The following PDZRN3 variants were observed in gnomAD, a reference collection of about 807,000 sequenced individuals.
The protein encoded by PDZRN3 is PDZ domain containing ring finger 3, also known as E3 ubiquitin-protein ligase PDZRN3.
PDZRN3 carries 38 observed loss-of-function variants against 85.7 expected under a neutral mutation model. That is an observed-to-expected ratio of 0.44 (90% CI 0.34 to 0.58). The LOEUF (loss-of-function observed/expected upper bound fraction) is 0.58, where lower values mean the gene tolerates loss of function less well. Ranked by LOEUF, PDZRN3 falls within the 20% of genes least tolerant of loss-of-function variation. The pLI is 0.01. For missense variants in PDZRN3, 1,629 were observed against 1,506.4 expected (o/e 1.08, Z -1.35); for synonymous variants, 759 against 638.0 (o/e 1.19, Z -2.86).
chr3:73,457,517 T>C (rs969897384), intron 3 of PDZRN3, among the ~76,000 whole-genome samples: 3 of 152,104 alleles, frequency 2.0e-5, no homozygotes, highest in Non-Finnish European at 4.4e-5. Flanking sequence ...TTGACAGCCA[T>C]ACTCCTAGGG....
intron 9 of PDZRN3, among the ~76,000 whole-genome samples, chr3:73,385,298 G>C (rs1468082547): frequency 6.6e-6 from 1 of 152,196 alleles, no homozygotes; most frequent in Non-Finnish European, 1.5e-5. Context: ...CTCTGACAAT[G>C]GTAGTAGCAT....
chr3:73,421,658 A>T (rs182869595), intron 3 of PDZRN3, among the ~76,000 whole-genome samples: 2 of 151,794 alleles, frequency 1.3e-5, no homozygotes, highest in Non-Finnish European at 2.9e-5. Context: ...AACTACTTCA[A>T]TTTTTTTTGA....
chr3:73,409,030 C>T (rs985780280), intron 3 of PDZRN3, among the ~76,000 whole-genome samples: 36 of 152,230 alleles, frequency 2.4e-4, no homozygotes, highest in African/African-American at 8.7e-4. Context: ...AGCTTTAAAA[C>T]CAAGTAAATG....
intron 3 of PDZRN3, among the ~76,000 whole-genome samples, chr3:73,412,427 G>A (rs1701992578): frequency 6.6e-6 from 1 of 152,186 alleles, no homozygotes; most frequent in Non-Finnish European, 1.5e-5. Flanking sequence ...CAATGGAATT[G>A]TTATCACACG....
At chr3:73,564,932 T>C (rs3889642) in intron 3 of PDZRN3, among the ~76,000 whole-genome samples, 97,835 of 152,036 alleles carry the variant, frequency 0.64, 35,655 homozygotes, top group South Asian at 0.81. Flanking sequence ...GCTGCTCTCT[T>C]ATGATTTTCA....
chr3:73,469,172 C>A (rs1422795664), intron 3 of PDZRN3, among the ~76,000 whole-genome samples: 2 of 151,788 alleles, frequency 1.3e-5, no homozygotes, highest in Non-Finnish European at 1.5e-5. Flanking sequence ...CTCCCGGGTT[C>A]AAGCAATTCT....
At chr3:73,431,707 T>G (rs1372794128) in intron 3 of PDZRN3, among the ~76,000 whole-genome samples, 1 of 152,246 alleles carries the variant, frequency 6.6e-6, no homozygotes, top group Non-Finnish European at 1.5e-5. Context: ...CATGGCTTCC[T>G]AAATTGCTGA....
At chr3:73,518,544 TA>T (rs146407164) in intron 3 of PDZRN3, among the ~76,000 whole-genome samples, 8 of 151,126 alleles carry the variant, frequency 5.3e-5, no homozygotes, top group African/African-American at 9.7e-5. Flanking sequence ...TTTTAAAACT[TA>T]AAAAAAAAGA....
intron 3 of PDZRN3, among the ~76,000 whole-genome samples, chr3:73,559,309 T>C (rs1701767573): frequency 6.6e-6 from 1 of 152,138 alleles, no homozygotes; most frequent in Non-Finnish European, 1.5e-5. Flanking sequence ...GTGTAGAACT[T>C]TATTTTCTTT....
At chr3:73,540,414 T>A (rs1704892854) in intron 3 of PDZRN3, among the ~76,000 whole-genome samples, 1 of 152,220 alleles carries the variant, frequency 6.6e-6, no homozygotes, top group African/African-American at 2.4e-5. Context: ...ACATATGTAG[T>A]ATTTTATAAA....
chr3:73,408,159 A>C, intron 3 of PDZRN3: 1 of 703,388 alleles, frequency 1.4e-6, no homozygotes, highest in Non-Finnish European at 2.6e-6. Context: ...CACAGCTCAG[A>C]GGTGGAGTGT....
At chr3:73,595,132 G>T (rs1001426962) in intron 3 of PDZRN3, among the ~76,000 whole-genome samples, 3 of 152,172 alleles carry the variant, frequency 2.0e-5, no homozygotes, top group Non-Finnish European at 4.4e-5. Flanking sequence ...TATATAAGAA[G>T]AAACTCTAGC....
rs879510100 is a variant in PDZRN3, at chr3:73,563,013, ATTTTTTTTTTT to A, written c.918+39330_918+39340del. Among the ~76,000 whole-genome samples the A allele has an allele frequency of 1.4e-3, 63 of 43,758 alleles. 2 individuals are homozygous for A. Among genetic ancestry groups the A allele is most frequent in the African/African-American group, 6.2e-3 (61 of 9,860 alleles). The allele number at this position is 43,758 out of a possible 152,430, so 28.7% of individuals were successfully genotyped here. The stretch of plus-strand genomic sequence containing the variant: ...TATATATATATATATATATATATAT[ATTTTTTTTTTT>A]TTTTTTTTTTTTGAGACAGAGTCTA... On this transcript the variant is annotated intron_variant, in intron 3 of 9. Coordinates refer to ENST00000263666, the MANE Select transcript of PDZRN3 (RefSeq NM_015009.3).
rs1350512587 is a variant in PDZRN3, at chr3:73,492,131, T to C, written c.919-87736A>G. On this transcript the variant is annotated intron_variant, in intron 3 of 9. Transcript: ENST00000263666. ...CTTCTCATATTCTCTAACTGTAGAA[T>C]CCCTTTCCTGAGCATATCAGGCCCC... 5.3e-5 allele frequency among the ~76,000 whole-genome samples: 8 copies of C among 152,316 alleles called. No individual in the cohort carries two copies. In the East Asian group the frequency reaches 1.5e-3, roughly 29 times the overall value.
chr3:73,458,964 C>G (rs1703044535), intron 3 of PDZRN3, among the ~76,000 whole-genome samples: 1 of 150,090 alleles, frequency 6.7e-6, no homozygotes. Context: ...TGCACTCCAG[C>G]CCGGGCAACA....
intron 3 of PDZRN3, among the ~76,000 whole-genome samples, chr3:73,545,815 CAG>C (rs1175616873): frequency 5.3e-5 from 8 of 152,214 alleles, no homozygotes; most frequent in Admixed American, 2.0e-4. Context: ...AGGGCCATGG[CAG>C]AGTTTTTTCC....
chr3:73,416,861 GTTTGTTT>G (rs1702092351), intron 3 of PDZRN3, among the ~76,000 whole-genome samples: 2 of 86,840 alleles, frequency 2.3e-5, no homozygotes, highest in Non-Finnish European at 2.6e-5. Flanking sequence ...TTTTTTTTTT[GTTTGTTT>G]TTTTTTGGTT....
chr3:73,453,419 A>AAAC (rs1559687599), intron 3 of PDZRN3, among the ~76,000 whole-genome samples: 15 of 133,714 alleles, frequency 1.1e-4, no homozygotes, highest in East Asian at 4.4e-4. Context: ...AAAAAAAAAA[A>AAAC]AAAACAAAAA....
At chr3:73,622,644 C>T (rs948570207) in intron 1 of PDZRN3, among the ~76,000 whole-genome samples, 12 of 152,196 alleles carry the variant, frequency 7.9e-5, no homozygotes, top group African/African-American at 2.9e-4. Context: ...AGCACAGTAC[C>T]TCCCCTCCCA....
Sources: allele counts gnomAD v4.1 joint callset (sites outside exome capture counted in the v4.1 genomes callset), GRCh38; gene constraint gnomAD v4.1.1; transcripts MANE v1.5; gene names NCBI Gene and HGNC (gene_info 2026-07-23, HGNC 2026-07-21).